The following ITPK1 variants were observed in gnomAD, a reference collection of about 807,000 sequenced individuals.
The protein encoded by ITPK1 is inositol-tetrakisphosphate 1-kinase, also known as inositol 1,3,4-trisphosphate 5/6-kinase.
ITPK1 carries 21 observed loss-of-function variants against 45.3 expected under a neutral mutation model. The observed-to-expected ratio is 0.46, with a 90% confidence interval of 0.33 to 0.67. The LOEUF is 0.67. Among genes scored for constraint, ITPK1 ranks in the 30% least tolerant of loss-of-function variants. The pLI, the probability that ITPK1 is intolerant of heterozygous loss-of-function variation, is 0.02. For synonymous variants in ITPK1, 258 were observed against 253.6 expected (o/e 1.02, Z -0.16); for missense variants, 474 against 573.5 (o/e 0.83, Z 1.77).
At position 93,083,445 on chromosome 14, in the gene ITPK1, G is replaced by A. The variant is rs184821829; in HGVS notation, c.96-6826C>T. On this transcript the variant is annotated intron_variant, in intron 2 of 10. Coordinates refer to ENST00000267615, the MANE Select transcript of ITPK1 (RefSeq NM_014216.6). Reference sequence around the variant, plus strand: ...CTGCAGCAAGTGAAGTACATGAAATGGTGAAGAAGCAAGGGAGGAAGGTTC... The same window carrying A: ...CTGCAGCAAGTGAAGTACATGAAATAGTGAAGAAGCAAGGGAGGAAGGTTC... Among the ~76,000 whole-genome samples the A allele has an allele frequency of 1.4e-4, 22 of 152,300 alleles. 1 individual carries two copies. Among genetic ancestry groups the A allele is most frequent in the African/African-American group, 3.4e-4 (14 of 41,560 alleles).
At chr14:93,112,838 T>C (rs1264076148) in intron 2 of ITPK1, among the ~76,000 whole-genome samples, 2 of 152,128 alleles carry the variant, frequency 1.3e-5, no homozygotes, top group Non-Finnish European at 2.9e-5. Context: ...GCCCCCAGAT[T>C]CTGAATGTGG....
At chr14:93,074,808 C>A (rs1891150622) in intron 3 of ITPK1, among the ~76,000 whole-genome samples, 1 of 152,126 alleles carries the variant, frequency 6.6e-6, no homozygotes, top group African/African-American at 2.4e-5. Flanking sequence ...TGGTTAGAGA[C>A]CATCTAACCC....
chr14:93,026,608 C>T (rs1465406351), intron 3 of ITPK1, among the ~76,000 whole-genome samples: 1 of 152,216 alleles, frequency 6.6e-6, no homozygotes, highest in Non-Finnish European at 1.5e-5. Flanking sequence ...CCAGGAGTCT[C>T]ACTTCCAGGA....
intron 2 of ITPK1, among the ~76,000 whole-genome samples, chr14:93,092,960 C>A (rs1336688727): frequency 1.3e-5 from 2 of 152,188 alleles, no homozygotes; most frequent in African/African-American, 4.8e-5. Context: ...CAGGGTGCCC[C>A]AGACCATAAT....
In ITPK1 at chr14:93,036,589, G is replaced by A. The variant is rs745809344; in HGVS notation, c.121-19788C>T. 6.6e-5 allele frequency among the ~76,000 whole-genome samples: 10 copies of A among 150,444 alleles called. No homozygotes were observed. The highest frequency in any genetic ancestry group is 7.4e-5 in the Non-Finnish European group (5 of 67,658). On this transcript the variant is annotated intron_variant, in intron 3 of 10. Coordinates refer to ENST00000267615, the MANE Select transcript of ITPK1 (RefSeq NM_014216.6). The surrounding 1 kb of genome is among the most constrained non-coding windows in gnomAD (Gnocchi z 4.1). ...CTAACCCCCAGCCACTCTCCCCGGC[G>A]TTCTGTGGCCCACACCCCTCATGAC...
chr14:93,046,053 C>T (rs1009604729), intron 3 of ITPK1, among the ~76,000 whole-genome samples: 2 of 152,182 alleles, frequency 1.3e-5, no homozygotes, highest in African/African-American at 4.8e-5. Context: ...ACACAGAGTC[C>T]TTTTTGACCC....
At chr14:93,082,813 T>G (rs1488624731) in intron 2 of ITPK1, among the ~76,000 whole-genome samples, 2 of 152,148 alleles carry the variant, frequency 1.3e-5, no homozygotes, top group African/African-American at 4.8e-5. Context: ...GAGGACACCA[T>G]TGCTTCTATG....
intron 5 of ITPK1, among the ~76,000 whole-genome samples, chr14:92,985,665 G>A (rs1451651402): frequency 6.6e-6 from 1 of 152,148 alleles, no homozygotes; most frequent in South Asian, 2.1e-4. Context: ...ACAGAGGGGA[G>A]CAAATGCCTG....
intron 3 of ITPK1, among the ~76,000 whole-genome samples, chr14:93,054,883 G>T (rs1256163636): frequency 6.6e-6 from 1 of 152,134 alleles, no homozygotes. Context: ...TGCCATAAGT[G>T]AACAGCTTGA....
At chr14:92,980,050 G>A (rs1471859220) in intron 5 of ITPK1, among the ~76,000 whole-genome samples, 7 of 152,048 alleles carry the variant, frequency 4.6e-5, no homozygotes, top group Non-Finnish European at 7.4e-5. Context: ...CAAAGTGCTG[G>A]GTTTACAGGT....
intron 5 of ITPK1, among the ~76,000 whole-genome samples, chr14:92,963,396 CTG>C (rs947241343): frequency 3.3e-5 from 5 of 152,238 alleles, no homozygotes; most frequent in Admixed American, 6.5e-5. Flanking sequence ...GAGGAGGAAA[CTG>C]GGGTCAGAGA....
intron 3 of ITPK1, among the ~76,000 whole-genome samples, chr14:93,061,048 C>G (rs1890497643): frequency 6.6e-6 from 1 of 152,190 alleles, no homozygotes; most frequent in Admixed American, 6.5e-5. Context: ...TGGACTGGCT[C>G]CATACCACTA....
chr14:92,982,016 G>A (rs74890164), intron 5 of ITPK1, among the ~76,000 whole-genome samples: 1,652 of 152,360 alleles, frequency 0.011, 27 homozygotes, highest in African/African-American at 0.037. Flanking sequence ...GTGGAGTGCA[G>A]GGGCAGTATG....
intron 3 of ITPK1, among the ~76,000 whole-genome samples, chr14:93,038,500 A>C (rs1030903423): frequency 6.6e-6 from 1 of 152,202 alleles, no homozygotes; most frequent in African/African-American, 2.4e-5. Context: ...TGGAAGGGAA[A>C]GAAAAGTGGG....
In ITPK1 at chr14:92,993,400, G is replaced by T. The variant is rs376307356; in HGVS notation, c.364+480C>A. Among the ~76,000 whole-genome samples, 13 of 152,298 alleles carry T rather than the reference G, an allele frequency of 8.5e-5. No individual in the cohort carries two copies. In the East Asian group the frequency reaches 2.5e-3, roughly 29 times the overall value. On this transcript the variant is annotated intron_variant, in intron 5 of 10. Transcript: ENST00000267615. The stretch of plus-strand genomic sequence containing the variant: ...AGGGACAGGAGCCTGCAGCTGGCAG[G>T]GGAGGCGCCGCAGTGAAGAGGGAGG...
chr14:92,977,005 G>A (rs1403599411), intron 5 of ITPK1, among the ~76,000 whole-genome samples: 1 of 152,236 alleles, frequency 6.6e-6, no homozygotes, highest in Non-Finnish European at 1.5e-5. Flanking sequence ...CTGCCTGGCT[G>A]AATGCTCCAT....
At chr14:93,055,490 C>T (rs1890182984) in intron 3 of ITPK1, among the ~76,000 whole-genome samples, 1 of 152,124 alleles carries the variant, frequency 6.6e-6, no homozygotes, top group Admixed American at 6.5e-5. Context: ...TTCAGTCTCT[C>T]AACCTAGACA....
chr14:93,018,761 C>A (rs1888319390), intron 3 of ITPK1, among the ~76,000 whole-genome samples: 1 of 152,164 alleles, frequency 6.6e-6, no homozygotes, highest in Non-Finnish European at 1.5e-5. Context: ...AGCCCAGGGG[C>A]CGGGGAAGAC....
Position 93,028,481 on chromosome 14 carries a change from G to C in ITPK1, c.121-11680C>G, listed in dbSNP as rs564931349. Reference sequence around the variant, plus strand: ...GGATGGCTTTGGAACTCAAGTCCCAGATACTGGAAGCAATGGAGGGGTGGA... The same window carrying C: ...GGATGGCTTTGGAACTCAAGTCCCACATACTGGAAGCAATGGAGGGGTGGA... On this transcript the variant is annotated intron_variant, in intron 3 of 10. Coordinates refer to ENST00000267615, the MANE Select transcript of ITPK1 (RefSeq NM_014216.6). Among the ~76,000 whole-genome samples, 101 of 152,354 alleles carry C rather than the reference G, an allele frequency of 6.6e-4. 2 individuals are homozygous for C. In the Middle Eastern group the frequency reaches 0.014, roughly 21 times the overall value.
Sources: allele counts gnomAD v4.1 joint callset (sites outside exome capture counted in the v4.1 genomes callset), GRCh38; gene constraint gnomAD v4.1.1; non-coding constraint Gnocchi (gnomAD v3.1); transcripts MANE v1.5; gene names NCBI Gene and HGNC (gene_info 2026-07-23, HGNC 2026-07-21).